Variants in NSUN6 observed in about 807,000 individuals in gnomAD.
NSUN6 encodes the protein tRNA (cytosine(72)-C(5))-methyltransferase NSUN6.
A neutral mutation model predicts 58.0 loss-of-function variants in NSUN6; 64 were observed. The ratio of observed to expected loss-of-function variants is 1.10; its 90% CI spans 0.90 to 1.36. The LOEUF is 1.36. NSUN6 is among the 40% of genes most tolerant of loss of function. The probability of loss-of-function intolerance (pLI) is 0.00; values close to 1 mark genes in which losing one functional copy is unlikely to be tolerated. For missense variants in NSUN6, 701 were observed against 550.1 expected (o/e 1.27, Z -2.74); for synonymous variants, 231 against 193.9 (o/e 1.19, Z -1.59).
intron 8 of NSUN6, among the ~76,000 whole-genome samples, chr10:18,567,567 G>A (rs1180441065): frequency 3.0e-5 from 4 of 133,654 alleles, no homozygotes; most frequent in African/African-American, 8.6e-5. Flanking sequence ...TCTCCATTCC[G>A]TTCCATTCCA....
chr10:18,622,473 G>C (rs1474085920), intron 3 of NSUN6, among the ~76,000 whole-genome samples: 3 of 152,218 alleles, frequency 2.0e-5, no homozygotes, highest in Admixed American at 6.5e-5. Flanking sequence ...CAGCACTTTA[G>C]GAGTACGAGG....
At chr10:18,553,837 T>G (rs1204611874) in intron 8 of NSUN6, among the ~76,000 whole-genome samples, 1 of 145,174 alleles carries the variant, frequency 6.9e-6, no homozygotes, top group Non-Finnish European at 1.5e-5. Context: ...TAGAATAGAA[T>G]AGAATGGAGA....
chr10:18,630,028 A>G (rs2058970423), intron 3 of NSUN6, among the ~76,000 whole-genome samples: 1 of 149,356 alleles, frequency 6.7e-6, no homozygotes, highest in Non-Finnish European at 1.5e-5. Context: ...AGCAAATGTA[A>G]AAGAACAGAA....
At chr10:18,595,041 A>G (rs1362924513) in intron 7 of NSUN6, among the ~76,000 whole-genome samples, 1 of 152,162 alleles carries the variant, frequency 6.6e-6, no homozygotes, top group Admixed American at 6.6e-5. Flanking sequence ...GAGAACTTAC[A>G]CATCGGCCAG....
Position 18,545,840 on chromosome 10 carries a change from C to T in NSUN6, c.*93G>A, listed in dbSNP as rs2054216943. The T allele has an allele frequency of 2.7e-6, 2 of 734,524 alleles. No homozygotes were observed. Among genetic ancestry groups the T allele is most frequent in the South Asian group, 3.1e-5 (2 of 63,736 alleles). 45.5% of individuals were successfully genotyped at this position (734,524 alleles called of 1,614,324 possible). A position where few individuals can be genotyped will look rare whatever the true frequency, so the allele number is the denominator to read the frequency against. On this transcript the variant is annotated 3_prime_UTR_variant, in exon 11 of 11. Coordinates refer to ENST00000377304, the MANE Select transcript of NSUN6 (RefSeq NM_182543.5). The stretch of plus-strand genomic sequence containing the variant: ...TCTGTTTCCATAGCAACCACATCAT[C>T]ATTCAGTTGGCCTGACAACACTTTG...
At chr10:18,549,650 T>C (rs1162633682) in intron 9 of NSUN6, among the ~76,000 whole-genome samples, 1 of 152,208 alleles carries the variant, frequency 6.6e-6, no homozygotes, top group African/African-American at 2.4e-5. Flanking sequence ...AGGAGATCTA[T>C]GAGTATTTGT....
At chr10:18,569,981 C>A (rs1029741793) in intron 8 of NSUN6, among the ~76,000 whole-genome samples, 16 of 150,648 alleles carry the variant, frequency 1.1e-4, no homozygotes, top group Non-Finnish European at 1.9e-4. Context: ...TTCCCCATTC[C>A]ATTCTCAATT....
chr10:18,581,245 G>C (rs200408037), intron 8 of NSUN6, among the ~76,000 whole-genome samples: 1 of 152,142 alleles, frequency 6.6e-6, no homozygotes, highest in Non-Finnish European at 1.5e-5. Flanking sequence ...TTCCCAGTAA[G>C]TTAAGGCATT....
At chr10:18,608,651 A>C (rs1265707576) in intron 6 of NSUN6, among the ~76,000 whole-genome samples, 2 of 151,810 alleles carry the variant, frequency 1.3e-5, no homozygotes, top group Admixed American at 6.6e-5. Flanking sequence ...AAAAAAAAAA[A>C]AAAACCACTG....
At chr10:18,556,484 T>C (rs1311419110) in intron 8 of NSUN6, among the ~76,000 whole-genome samples, 2 of 144,886 alleles carry the variant, frequency 1.4e-5, no homozygotes, top group South Asian at 2.2e-4. Context: ...TGGAATGGAA[T>C]GGAGAATGGA....
intron 8 of NSUN6, 145 bp from the exon 9 acceptor site, chr10:18,552,116 A>G (rs2054643047): frequency 1.7e-6 from 1 of 584,158 alleles, no homozygotes; most frequent in South Asian, 2.4e-5. Context: ...TGGTTAAACT[A>G]ATTTTGACTT....
intron 3 of NSUN6, among the ~76,000 whole-genome samples, chr10:18,632,273 T>C (rs1272417222): frequency 6.7e-6 from 1 of 149,804 alleles, no homozygotes; most frequent in African/African-American, 2.5e-5. Context: ...ATTAAAGACT[T>C]AAACGTTAGA....
At chr10:18,560,454 G>A (rs951082248) in intron 8 of NSUN6, among the ~76,000 whole-genome samples, 1 of 150,558 alleles carries the variant, frequency 6.6e-6, no homozygotes, top group African/African-American at 2.4e-5. Flanking sequence ...AGAATGGCAT[G>A]CACTGGTGAA....
chr10:18,582,486 G>A lies in NSUN6; in HGVS notation c.922+3463C>T, dbSNP rs139550634. ...AGAAGAATCCGCTAAACCAAAGACC[G>A]GAGAAGTTTATGAGAGAATCAAGGT... On this transcript the variant is annotated intron_variant, in intron 8 of 10. Coordinates refer to ENST00000377304, the MANE Select transcript of NSUN6 (RefSeq NM_182543.5). 2.6e-3 allele frequency among the ~76,000 whole-genome samples: 390 copies of A among 152,260 alleles called. 4 individuals carry two copies. Among genetic ancestry groups the A allele is most frequent in the African/African-American group, 9.0e-3 (372 of 41,548 alleles).
chr10:18,657,913 A>G (rs563027865), upstream of NSUN6, among the ~76,000 whole-genome samples: 31 of 152,140 alleles, frequency 2.0e-4, no homozygotes, highest in East Asian at 2.5e-3. Flanking sequence ...CGCCCAGCCA[A>G]ATGTCTGCAT....
intron 3 of NSUN6, among the ~76,000 whole-genome samples, chr10:18,616,927 G>A (rs1052157876): frequency 1.3e-5 from 2 of 152,100 alleles, no homozygotes; most frequent in African/African-American, 4.8e-5. Flanking sequence ...ACTGCTGGGG[G>A]AATTAGGTGC....
chr10:18,625,668 G>A (rs1471910272), intron 3 of NSUN6, among the ~76,000 whole-genome samples: 5 of 140,098 alleles, frequency 3.6e-5, no homozygotes, highest in South Asian at 4.7e-4. Flanking sequence ...AGCCGAGATC[G>A]CGCCACTGCA....
intron 2 of NSUN6, among the ~76,000 whole-genome samples, chr10:18,646,241 G>A (rs1347199755): frequency 2.6e-5 from 4 of 152,068 alleles, no homozygotes; most frequent in Admixed American, 2.6e-4. Context: ...CAGATATTGG[G>A]GAGAAAACAC....
chr10:18,618,210 T>C (rs2058479911), intron 3 of NSUN6, among the ~76,000 whole-genome samples: 1 of 152,236 alleles, frequency 6.6e-6, no homozygotes, highest in Non-Finnish European at 1.5e-5. Flanking sequence ...AGATTTTCTC[T>C]GTCTTTGGTG....
Sources: gnomAD v4.1 joint callset for allele counts (sites outside exome capture counted in the v4.1 genomes callset) on GRCh38, gnomAD v4.1.1 for gene constraint, MANE v1.5 for transcripts, NCBI Gene and HGNC (gene_info 2026-07-23, HGNC 2026-07-21) for gene names.